LRRC40: variants seen among roughly 807,000 people sequenced by gnomAD.
LRRC40 encodes the protein leucine-rich repeat-containing protein 40.
Under a neutral mutation model 72.8 loss-of-function variants are expected in LRRC40, and 76 were observed. The observed-to-expected ratio is 1.04, with a 90% CI of 0.87 to 1.26. LRRC40 has a LOEUF of 1.26. Ranked by LOEUF, LRRC40 falls within the 50% of genes most tolerant of loss-of-function variation. The pLI is 0.00. For synonymous variants in LRRC40, 243 were observed against 254.2 expected (o/e 0.96, Z 0.42); for missense variants, 684 against 698.9 (o/e 0.98, Z 0.24).
chr1:70,186,718 G>T (rs1320737608), intron 3 of LRRC40, among the ~76,000 whole-genome samples: 2 of 152,114 alleles, frequency 1.3e-5, no homozygotes, highest in Middle Eastern at 3.4e-3. Flanking sequence ...AAAAGTCTGG[G>T]TATGTATCAG....
intron 14 of LRRC40, chr1:70,147,160 C>G (rs1052733930): frequency 6.6e-6 from 1 of 152,120 alleles, no homozygotes; most frequent in Admixed American, 6.6e-5. Context: ...CACAGAGGAG[C>G]AAAAAATTGG....
chr1:70,161,548 C>CAAA (rs59986416), intron 9 of LRRC40, among the ~76,000 whole-genome samples: 1 of 118,108 alleles, frequency 8.5e-6, no homozygotes, highest in East Asian at 2.4e-4. Flanking sequence ...GGCTCCCTCT[C>CAAA]AAAAAAAAAA....
chr1:70,200,476 G>C (rs1035283568), intron 1 of LRRC40, among the ~76,000 whole-genome samples: 5 of 151,994 alleles, frequency 3.3e-5, no homozygotes, highest in Non-Finnish European at 5.9e-5. Flanking sequence ...AAAAAAGAAG[G>C]AACAGAAATG....
At chr1:70,155,502 C>T (rs1667618162) in intron 11 of LRRC40, among the ~76,000 whole-genome samples, 187 bp downstream of exon 11, 1 of 151,886 alleles carries the variant, frequency 6.6e-6, no homozygotes, top group African/African-American at 2.4e-5. Flanking sequence ...CCTCTCAGAA[C>T]AAATGATAAA....
chr1:70,159,362 A>G lies in LRRC40; in HGVS notation c.1188T>C (p.His396=), dbSNP rs1056225364. Residue 396 remains histidine (H), a synonymous_variant, in exon 10 of 15, where the codon CAT becomes CAC. Coordinates refer to ENST00000370952, the MANE Select transcript of LRRC40 (RefSeq NM_017768.5). The part of the protein sequence containing the change: ...TLPSESRVNI[H]AIITLKILDY... ...CTAATATTTTTAATGTAATGATGGCATGTATATTGACTCTGGATTCACTTG... is the reference window on the plus strand; with the variant it reads ...CTAATATTTTTAATGTAATGATGGCGTGTATATTGACTCTGGATTCACTTG... 2 of 1,555,524 alleles carry G rather than the reference A, an allele frequency of 1.3e-6. No individual in the cohort carries two copies. The highest frequency in any genetic ancestry group is 2.7e-5 in the African/African-American group (2 of 73,896).
intron 1 of LRRC40, among the ~76,000 whole-genome samples, chr1:70,201,317 G>T (rs778308529): frequency 1.3e-5 from 2 of 152,166 alleles, no homozygotes; most frequent in Non-Finnish European, 2.9e-5. Flanking sequence ...CAAGGGACAA[G>T]TTAGTAAGTT....
At chr1:70,196,045 A>G (rs1668601070) in intron 1 of LRRC40, among the ~76,000 whole-genome samples, 1 of 152,104 alleles carries the variant, frequency 6.6e-6, no homozygotes, top group Admixed American at 6.5e-5. Flanking sequence ...CCATCATCTT[A>G]TCTCACCACT....
intron 9 of LRRC40, among the ~76,000 whole-genome samples, chr1:70,164,792 C>A (rs915099168): frequency 1.3e-5 from 2 of 152,070 alleles, no homozygotes; most frequent in Admixed American, 6.5e-5. Context: ...AACTTGCAAA[C>A]CTCAAACCCA....
At chr1:70,160,182 T>C (rs1667726182) in intron 9 of LRRC40, among the ~76,000 whole-genome samples, 1 of 152,096 alleles carries the variant, frequency 6.6e-6, no homozygotes, top group Non-Finnish European at 1.5e-5. Flanking sequence ...TTTTCAACAA[T>C]GTGAAAACGA....
At chr1:70,159,032 C>T (rs1667700501) in intron 10 of LRRC40, among the ~76,000 whole-genome samples, 1 of 151,684 alleles carries the variant, frequency 6.6e-6, no homozygotes, top group African/African-American at 2.4e-5. Context: ...TTTTAATATC[C>T]TTCTATTTCA....
chr1:70,184,252 A>G (rs1366028019), intron 4 of LRRC40, among the ~76,000 whole-genome samples: 1 of 152,170 alleles, frequency 6.6e-6, no homozygotes, highest in Non-Finnish European at 1.5e-5. Flanking sequence ...TGTCCCCCCA[A>G]AAATAAAATA....
chr1:70,192,471 C>T (rs767748379), intron 1 of LRRC40, among the ~76,000 whole-genome samples: 1 of 152,064 alleles, frequency 6.6e-6, no homozygotes, highest in Non-Finnish European at 1.5e-5. Flanking sequence ...TGGGTACATA[C>T]CCAAAAGAAT....
chr1:70,200,642 G>A (rs1668717063), intron 1 of LRRC40, among the ~76,000 whole-genome samples: 1 of 152,166 alleles, frequency 6.6e-6, no homozygotes, highest in Admixed American at 6.5e-5. Context: ...GTTTGAAGGT[G>A]TCATTAATCT....
chr1:70,194,290 T>C (rs1464813818), intron 1 of LRRC40, among the ~76,000 whole-genome samples: 1 of 152,092 alleles, frequency 6.6e-6, no homozygotes. Context: ...TATGTTTCTA[T>C]GTATTAGCAA....
intron 4 of LRRC40, among the ~76,000 whole-genome samples, chr1:70,181,717 T>G (rs936027254): frequency 2.0e-5 from 3 of 152,032 alleles, no homozygotes; most frequent in African/African-American, 7.2e-5. Flanking sequence ...TTCTATTGGT[T>G]CTTCTGCTGA....
At position 70,184,924 on chromosome 1, in the gene LRRC40, GATAAA is replaced by G. The variant is rs1202731794; in HGVS notation, c.408-15_408-11del. On this transcript the variant is annotated splice_polypyrimidine_tract_variant and intron_variant, in intron 3 of 14. Coordinates refer to ENST00000370952, the MANE Select transcript of LRRC40 (RefSeq NM_017768.5). ...TTTCAGTTTATTATGGCTATTGGTT[GATAAA>G]ATAAATGATGAATAATTTAGTGGCA... 3 of 1,574,054 alleles carry G rather than the reference GATAAA, an allele frequency of 1.9e-6. No homozygotes were observed. The African/African-American group carries it at 4.1e-5, about 22-fold the overall frequency.
rs544980429 is a variant in LRRC40, at chr1:70,170,970, T to C, written c.1111+2495A>G. On this transcript the variant is annotated intron_variant, in intron 9 of 14. Coordinates refer to ENST00000370952, the MANE Select transcript of LRRC40 (RefSeq NM_017768.5). ...GATTTCAAAACTTACTACAAAACAA[T>C]GGTAATCAAGACAGTGTGGAACTGG... 1.8e-4 allele frequency among the ~76,000 whole-genome samples: 28 copies of C among 152,152 alleles called. 1 individual carries two copies. The highest frequency in any genetic ancestry group is 3.4e-3 in the Middle Eastern group (1 of 294).
chr1:70,161,949 T>C (rs1667773724), intron 9 of LRRC40, among the ~76,000 whole-genome samples: 2 of 152,140 alleles, frequency 1.3e-5, no homozygotes, highest in Non-Finnish European at 2.9e-5. Flanking sequence ...AATATATGTA[T>C]GTTGAATGTA....
chr1:70,200,634 T>C (rs2100354859), intron 1 of LRRC40, among the ~76,000 whole-genome samples: 1 of 152,296 alleles, frequency 6.6e-6, no homozygotes, highest in South Asian at 2.1e-4. Context: ...TATGAATTGT[T>C]TGAAGGTGTC....
Sources: allele counts gnomAD v4.1 joint callset (sites outside exome capture counted in the v4.1 genomes callset), GRCh38; gene constraint gnomAD v4.1.1; transcripts MANE v1.5; gene names NCBI Gene and HGNC (gene_info 2026-07-23, HGNC 2026-07-21).